SGSM3: variants seen among roughly 807,000 people sequenced by gnomAD.
SGSM3 encodes RUN and SH3 containing 3.
Under a neutral mutation model 100.5 loss-of-function variants are expected in SGSM3, and 96 were observed. The ratio of observed to expected loss-of-function variants is 0.96; its 90% confidence interval spans 0.81 to 1.13. The LOEUF (loss-of-function observed/expected upper bound fraction) is 1.13, where lower values mean the gene tolerates loss of function less well. Ranked by LOEUF, SGSM3 falls within the 50% of genes most tolerant of loss-of-function variation. The pLI, the probability that SGSM3 is intolerant of heterozygous loss-of-function variation, is 0.00. For missense variants in SGSM3, 1,001 were observed against 1,015.8 expected (o/e 0.99, Z 0.20); for synonymous variants, 483 against 422.8 (o/e 1.14, Z -1.75).
chr22:40,379,705 T>A (rs1431514311), intron 1 of SGSM3, among the ~76,000 whole-genome samples: 1 of 152,138 alleles, frequency 6.6e-6, no homozygotes, highest in Non-Finnish European at 1.5e-5. Flanking sequence ...TGGTAGTATT[T>A]GTGGTCTCTG....
chr22:40,395,161 A>C (rs561268764), intron 1 of SGSM3, among the ~76,000 whole-genome samples: 204 of 152,298 alleles, frequency 1.3e-3, no homozygotes, highest in Admixed American at 2.0e-3. Context: ...GGGATATAGT[A>C]GTTGCAAAAA....
chr22:40,395,492 T>C (rs988586702), intron 1 of SGSM3, among the ~76,000 whole-genome samples: 5 of 152,096 alleles, frequency 3.3e-5, no homozygotes, highest in African/African-American at 1.2e-4. Context: ...CAGCTAATTT[T>C]TGTAATTTTA....
intron 4 of SGSM3, 180 bp from the exon 5 acceptor site, chr22:40,404,067 A>G (rs760700): frequency 0.21 from 98,796 of 462,448 alleles, 12,142 homozygotes; most frequent in Admixed American, 0.41. Flanking sequence ...CTCATGGGGT[A>G]CATGTTAGAG....
At chr22:40,406,245 G>A (rs1312628846) in intron 9 of SGSM3, 22 bp downstream of exon 9, 1 of 1,613,084 alleles carries the variant, frequency 6.2e-7, no homozygotes, top group Non-Finnish European at 8.5e-7. Flanking sequence ...CCCCACTTCA[G>A]GCTGAGGAGT....
chr22:40,407,177 A>C lies in SGSM3; in HGVS notation c.1241-24A>C. On this transcript the variant is annotated intron_variant, in intron 11 of 21. Coordinates refer to ENST00000248929, the MANE Select transcript of SGSM3 (RefSeq NM_015705.6). This position sits in a 1 kb window ranked among gnomAD's most constrained non-coding sequence, Gnocchi z 4.7. ...CGGGGGCCTGGAGTGGGCTGTGGTC[A>C]CCATGGTTCTCTGGGCCTCCTAGGG... The C allele has an allele frequency of 6.2e-7, 1 of 1,613,164 alleles. No individual in the cohort carries two copies. The highest frequency in any genetic ancestry group is 8.5e-7 in the Non-Finnish European group (1 of 1,179,638).
intron 1 of SGSM3, among the ~76,000 whole-genome samples, chr22:40,372,271 T>C (rs1402770151): frequency 1.3e-5 from 2 of 151,226 alleles, no homozygotes; most frequent in Non-Finnish European, 3.0e-5. Context: ...GGACTATAGG[T>C]GCCCGCCACC....
intron 1 of SGSM3, among the ~76,000 whole-genome samples, chr22:40,386,979 C>T (rs897566654): frequency 6.6e-6 from 1 of 152,084 alleles, no homozygotes; most frequent in Non-Finnish European, 1.5e-5. Flanking sequence ...CTGGCTGGCT[C>T]CCACTAGATA....
At position 40,405,175 on chromosome 22, in the gene SGSM3, A is replaced by G; in HGVS notation, c.509A>G (p.Asn170Ser). The stretch of plus-strand genomic sequence containing the variant: ...GACCTGCTCCGCACCATGCCCAGCA[A>G]CGCCTGCTTCGCCAGCATGGGTAGC... Reference protein sequence around the residue: ...EKDLLRTMPSNACFASMGSIG... With the variant: ...EKDLLRTMPSSACFASMGSIG... The change falls in exon 7 of 22, where the codon AAC becomes AGC. Residue 170 changes from asparagine to serine, a missense_variant. By Grantham distance (46) the Asn-to-Ser change is conservative. Transcript: ENST00000248929. 1.3e-6 allele frequency: 2 copies of G among 1,572,842 alleles called. No homozygotes were observed. Among genetic ancestry groups the G allele is most frequent in the Non-Finnish European group, 1.7e-6 (2 of 1,158,456 alleles).
intron 4 of SGSM3, 107 bp downstream of exon 4, chr22:40,402,312 A>G: frequency 1.2e-6 from 1 of 845,348 alleles, no homozygotes. Context: ...CTGATGCGTC[A>G]GGGTTCCAGA....
At chr22:40,394,956 T>C (rs2049858078) in intron 1 of SGSM3, among the ~76,000 whole-genome samples, 1 of 152,128 alleles carries the variant, frequency 6.6e-6, no homozygotes, top group Non-Finnish European at 1.5e-5. Context: ...CTGTTTTCTG[T>C]AACTAATAAT....
At chr22:40,393,424 A>G (rs891791327) in intron 1 of SGSM3, among the ~76,000 whole-genome samples, 1 of 152,178 alleles carries the variant, frequency 6.6e-6, no homozygotes, top group African/African-American at 2.4e-5. Context: ...AGGCCTATAC[A>G]TTTTTAAATG....
intron 6 of SGSM3, 119 bp downstream of exon 6, chr22:40,404,783 T>C (rs188597802): frequency 1.4e-6 from 1 of 738,640 alleles, no homozygotes. Context: ...GGATATTTGC[T>C]CCTTCCTTGG....
chr22:40,389,225 A>G (rs2048960806), intron 1 of SGSM3, among the ~76,000 whole-genome samples: 1 of 152,204 alleles, frequency 6.6e-6, no homozygotes, highest in African/African-American at 2.4e-5. Context: ...ATCATGACAC[A>G]TAGACACCCA....
rs1258626574 is a variant in SGSM3, at chr22:40,406,476, C to T, written c.999C>T (p.Ile333=). The T allele has an allele frequency of 6.2e-7, 1 of 1,602,512 alleles. No homozygotes were observed. Residue 333 remains isoleucine, a synonymous_variant, in exon 10 of 22, where the codon ATC becomes ATT. Transcript: ENST00000248929. ...ELIQSENSAS[I]FNTLSDIPSQ... ...TCCAGTCAGAGAACTCGGCCTCCATCTTCAACACGCTATCGGATATCCCGT... is the reference window on the plus strand; with the variant it reads ...TCCAGTCAGAGAACTCGGCCTCCATTTTCAACACGCTATCGGATATCCCGT...
chr22:40,381,680 C>T (rs1007418697), intron 1 of SGSM3, among the ~76,000 whole-genome samples: 3 of 152,046 alleles, frequency 2.0e-5, no homozygotes, highest in East Asian at 1.9e-4. Context: ...TGGGGCCGGG[C>T]GTAGTGGTTC....
In SGSM3 at chr22:40,407,777, C is replaced by T. The variant is rs200736593; in HGVS notation, c.1525-12C>T. 8.1e-6 allele frequency: 13 copies of T among 1,614,036 alleles called. No individual in the cohort carries two copies. Among genetic ancestry groups the T allele is most frequent in the African/African-American group, 6.7e-5 (5 of 75,034 alleles). Reference sequence around the variant, plus strand: ...CCCAGCTTTGGTTCCTGCTGTTTTTCCTCCTGTGCAGATCGTGTCTCAGAA... The same window carrying T: ...CCCAGCTTTGGTTCCTGCTGTTTTTTCTCCTGTGCAGATCGTGTCTCAGAA... On this transcript the variant is annotated splice_polypyrimidine_tract_variant and intron_variant, in intron 13 of 21. Coordinates refer to ENST00000248929, the MANE Select transcript of SGSM3 (RefSeq NM_015705.6). This position sits in a 1 kb window ranked among gnomAD's most constrained non-coding sequence, Gnocchi z 4.7.
At chr22:40,409,641 A>G (rs1465849685) in intron 21 of SGSM3, 41 bp from the exon 22 acceptor site, 2 of 1,613,432 alleles carry the variant, frequency 1.2e-6, no homozygotes, top group Non-Finnish European at 8.5e-7. Context: ...TACCCCAGCC[A>G]TGCCCAAGGC....
rs1490489020 is a variant in SGSM3 at position 40,406,097 on chromosome 22, G to A, written c.834G>A (p.Leu278=). Residue 278 remains leucine (L), a synonymous_variant, in exon 9 of 22, where the codon CTG becomes CTA. Coordinates refer to ENST00000248929, the MANE Select transcript of SGSM3 (RefSeq NM_015705.6). ...TTACAGAGCTGTCCCTGATCACACT[G>A]CACTGGTTCCTCACGGCCTTCGCCA... is the stretch of plus-strand genomic sequence containing the variant. ...EHDIELSLIT[L]HWFLTAFASV... is the part of the protein sequence containing the mutation. 6.2e-7 allele frequency: 1 copy of A among 1,614,044 alleles called. No individual in the cohort carries two copies. The highest frequency in any genetic ancestry group is 8.5e-7 in the Non-Finnish European group (1 of 1,180,022).
At chr22:40,394,784 TC>T (rs1954302613) in intron 1 of SGSM3, among the ~76,000 whole-genome samples, 1 of 152,214 alleles carries the variant, frequency 6.6e-6, no homozygotes, top group Non-Finnish European at 1.5e-5. Context: ...ACAGACCTGA[TC>T]GTTATTCTCA....
Sources: allele counts gnomAD v4.1 joint callset (sites outside exome capture counted in the v4.1 genomes callset), GRCh38; gene constraint gnomAD v4.1.1; non-coding constraint Gnocchi (gnomAD v3.1); transcripts MANE v1.5; gene names NCBI Gene and HGNC (gene_info 2026-07-23, HGNC 2026-07-21).